VPS13D: variants seen among roughly 807,000 people sequenced by gnomAD.
VPS13D encodes the protein vacuolar protein sorting 13 homolog D.
A neutral mutation model predicts 461.9 loss-of-function variants in VPS13D; 187 were observed. That is an observed-to-expected ratio of 0.40 (90% confidence interval 0.36 to 0.46). The LOEUF is 0.46. VPS13D is among the 20% of genes least tolerant of loss of function. The pLI is 0.60. For synonymous variants in VPS13D, 1,951 were observed against 1,986.3 expected (o/e 0.98, Z 0.47); for missense variants, 4,711 against 5,364.9 (o/e 0.88, Z 3.81).
chr1:12,301,444 G>T (rs572633793), intron 25 of VPS13D, among the ~76,000 whole-genome samples: 2 of 152,186 alleles, frequency 1.3e-5, no homozygotes, highest in African/African-American at 2.4e-5. Flanking sequence ...TTTACTGGTT[G>T]AGCATAAAGG....
chr1:12,363,448 A>C (rs2101616640), intron 52 of VPS13D, among the ~76,000 whole-genome samples: 2 of 152,300 alleles, frequency 1.3e-5, no homozygotes, highest in South Asian at 4.1e-4. Flanking sequence ...ACCATGGTGT[A>C]ATTGCTGTTG....
At chr1:12,373,095 G>GTTTTTTTGTTTTTTTTTTT (rs1644144884) in intron 54 of VPS13D, among the ~76,000 whole-genome samples, 1 of 37,240 alleles carries the variant, frequency 2.7e-5, no homozygotes. Flanking sequence ...GTCTGGCTTG[G>GTTTTTTTGTTTTTTTTTTT]TTTTTTTTTT....
intron 46 of VPS13D, 127 bp from the exon 47 acceptor site, chr1:12,353,847 T>C (rs973425560): frequency 1.0e-6 from 1 of 980,042 alleles, no homozygotes; most frequent in Non-Finnish European, 1.5e-6. Flanking sequence ...TGTATTTGGA[T>C]TGAAAACTGC....
At chr1:12,452,976 G>T (rs1372434728) in intron 65 of VPS13D, among the ~76,000 whole-genome samples, 1 of 152,196 alleles carries the variant, frequency 6.6e-6, no homozygotes. Flanking sequence ...GTTGAGATAG[G>T]TGTAGGTACC....
intron 67 of VPS13D, chr1:12,464,904 C>G (rs1033952769): frequency 6.6e-6 from 1 of 152,226 alleles, no homozygotes; most frequent in Non-Finnish European, 1.5e-5. Flanking sequence ...TTGGGCCACA[C>G]TTTGTCTGTT....
intron 63 of VPS13D, among the ~76,000 whole-genome samples, chr1:12,413,464 G>A (rs1404367833): frequency 6.6e-6 from 1 of 152,016 alleles, no homozygotes; most frequent in East Asian, 1.9e-4. Flanking sequence ...CAGAGACTTT[G>A]TTTTCTGTTT....
intron 63 of VPS13D, chr1:12,409,907 T>C (rs1329173639): frequency 2.4e-5 from 11 of 455,992 alleles, no homozygotes; most frequent in Non-Finnish European, 4.8e-5. Flanking sequence ...GAGCCCAACA[T>C]TTATTTTGCT....
At chr1:12,267,403 A>G (rs1641306350) in intron 14 of VPS13D, among the ~76,000 whole-genome samples, 1 of 152,136 alleles carries the variant, frequency 6.6e-6, no homozygotes, top group Non-Finnish European at 1.5e-5. Context: ...TTCTATATAT[A>G]TGTAATTTTT....
At chr1:12,307,745 G>A (rs905787407) in intron 26 of VPS13D, among the ~76,000 whole-genome samples, 1 of 152,170 alleles carries the variant, frequency 6.6e-6, no homozygotes, top group African/African-American at 2.4e-5. Context: ...ACCTGCCTCA[G>A]CCTCCCAAAG....
intron 65 of VPS13D, among the ~76,000 whole-genome samples, chr1:12,435,394 G>A (rs1337291837): frequency 6.6e-6 from 1 of 152,140 alleles, no homozygotes; most frequent in Non-Finnish European, 1.5e-5. Flanking sequence ...CTAGGAAGTT[G>A]AGGCTGCAGT....
rs771223068 is a variant in VPS13D, at chr1:12,234,373, T to C, written c.97+10T>C. ...GTTGCACTTCTCAAAGGTGAGTATTTCTCTGGGTGAGATACAGCTTTATAG... is the reference window on the plus strand; with the variant it reads ...GTTGCACTTCTCAAAGGTGAGTATTCCTCTGGGTGAGATACAGCTTTATAG... On this transcript the variant is annotated intron_variant, in intron 2 of 69. Transcript: ENST00000620676. The C allele has an allele frequency of 5.0e-6, 8 of 1,608,628 alleles. No individual in the cohort carries two copies. The highest frequency in any genetic ancestry group is 6.8e-6 in the Non-Finnish European group (8 of 1,175,926).
intron 13 of VPS13D, among the ~76,000 whole-genome samples, chr1:12,266,020 G>T (rs1025634888): frequency 2.6e-5 from 4 of 151,994 alleles, no homozygotes; most frequent in African/African-American, 9.7e-5. Flanking sequence ...AAAATTAGTT[G>T]GTCATGGTGA....
chr1:12,386,652 TAGGG>T (rs1363403454), intron 60 of VPS13D, among the ~76,000 whole-genome samples: 1 of 152,124 alleles, frequency 6.6e-6, no homozygotes, highest in Admixed American at 6.5e-5. Flanking sequence ...AGGTCTGTCA[TAGGG>T]AGAACAAACT....
At chr1:12,278,437 G>C (rs929470005) in intron 19 of VPS13D, among the ~76,000 whole-genome samples, 7 of 152,002 alleles carry the variant, frequency 4.6e-5, no homozygotes, top group Admixed American at 3.9e-4. Context: ...ACCACGCCCG[G>C]CTAATTTTTG....
chr1:12,258,705 TTTTA>T (rs1641000541), intron 10 of VPS13D, among the ~76,000 whole-genome samples: 1 of 152,230 alleles, frequency 6.6e-6, no homozygotes, highest in South Asian at 2.1e-4. Context: ...TTGCTTCTTG[TTTTA>T]TTTCAGTTTT....
chr1:12,449,140 A>C (rs1452318516), intron 65 of VPS13D, among the ~76,000 whole-genome samples: 1 of 152,178 alleles, frequency 6.6e-6, no homozygotes, highest in Non-Finnish European at 1.5e-5. Flanking sequence ...ACCAGGAAAA[A>C]AAAAAAAGCA....
intron 67 of VPS13D, 71 bp downstream of exon 67, chr1:12,460,467 A>G (rs548371038): frequency 4.2e-4 from 577 of 1,372,504 alleles, no homozygotes; most frequent in Non-Finnish European, 5.4e-4. Flanking sequence ...ATCCATACTG[A>G]TGTGTTTAAT....
chr1:12,500,363 TA>T (rs1646019443), intron 68 of VPS13D: 2 of 422,706 alleles, frequency 4.7e-6, no homozygotes. Context: ...GATGTTAAAG[TA>T]AAATTTGTCC....
intron 2 of VPS13D, among the ~76,000 whole-genome samples, chr1:12,236,860 T>C (rs967954729): frequency 1.3e-5 from 2 of 152,206 alleles, no homozygotes; most frequent in African/African-American, 4.8e-5. Context: ...CATGCTTCAC[T>C]CTCCCTTTTT....
Sources: gnomAD v4.1 joint callset for allele counts (sites outside exome capture counted in the v4.1 genomes callset) on GRCh38, gnomAD v4.1.1 for gene constraint, MANE v1.5 for transcripts, NCBI Gene and HGNC (gene_info 2026-07-23, HGNC 2026-07-21) for gene names.